The following NSMCE2 variants were observed in gnomAD, a reference collection of about 807,000 sequenced individuals.
NSMCE2 encodes the protein E3 SUMO-protein ligase NSE2.
A neutral mutation model predicts 23.8 loss-of-function variants in NSMCE2; 24 were observed. The observed-to-expected ratio is 1.01, with a 90% CI of 0.73 to 1.42. NSMCE2 has a LOEUF of 1.42. Among genes scored for constraint, NSMCE2 ranks in the 40% most tolerant of loss-of-function variants. The pLI, the probability that NSMCE2 is intolerant of heterozygous loss-of-function variation, is 0.00. For missense variants in NSMCE2, 284 were observed against 296.5 expected (o/e 0.96, Z 0.31); for synonymous variants, 92 against 94.1 (o/e 0.98, Z 0.13).
intron 5 of NSMCE2, among the ~76,000 whole-genome samples, chr8:125,200,597 G>T (rs1165585685): frequency 6.6e-6 from 1 of 152,176 alleles, no homozygotes; most frequent in Non-Finnish European, 1.5e-5. Context: ...CTCTCTGCCT[G>T]CCCTTAACAT....
intron 5 of NSMCE2, among the ~76,000 whole-genome samples, chr8:125,229,434 A>G (rs1825231473): frequency 6.6e-6 from 1 of 152,138 alleles, no homozygotes; most frequent in Admixed American, 6.5e-5. Context: ...TTTTCTTGTG[A>G]CCCATTTTAG....
intron 5 of NSMCE2, among the ~76,000 whole-genome samples, chr8:125,239,036 T>C (rs1440360139): frequency 1.3e-5 from 2 of 152,232 alleles, no homozygotes; most frequent in African/African-American, 4.8e-5. Flanking sequence ...CAATGACTTA[T>C]TCCCTTTGAC....
chr8:125,160,704 A>G (rs909760977), intron 4 of NSMCE2, among the ~76,000 whole-genome samples: 2 of 152,214 alleles, frequency 1.3e-5, no homozygotes, highest in Admixed American at 1.3e-4. Context: ...AGAACCAGAC[A>G]ACAAGTAAAC....
At chr8:125,269,597 A>G (rs746093950) in intron 5 of NSMCE2, among the ~76,000 whole-genome samples, 50 of 152,352 alleles carry the variant, frequency 3.3e-4, no homozygotes, top group Admixed American at 5.9e-4. Context: ...GAATGTGAAC[A>G]TTCAATGATC....
chr8:125,188,655 T>A (rs1489333320), intron 5 of NSMCE2, among the ~76,000 whole-genome samples: 1 of 152,140 alleles, frequency 6.6e-6, no homozygotes, highest in African/African-American at 2.4e-5. Flanking sequence ...AGTGCCTTAT[T>A]AGGCACTTTA....
chr8:125,338,105 G>A (rs1830122284), intron 5 of NSMCE2, among the ~76,000 whole-genome samples: 1 of 152,086 alleles, frequency 6.6e-6, no homozygotes, highest in African/African-American at 2.4e-5. Flanking sequence ...AGGCTGGAGA[G>A]GAAACAAGGT....
chr8:125,365,691 A>G (rs1813752201), intron 7 of NSMCE2, among the ~76,000 whole-genome samples: 1 of 151,978 alleles, frequency 6.6e-6, no homozygotes, highest in Admixed American at 6.6e-5. Flanking sequence ...CCCCATCTCT[A>G]CTAAAAATAC....
intron 5 of NSMCE2, among the ~76,000 whole-genome samples, chr8:125,262,431 A>G (rs1354697498): frequency 6.6e-6 from 1 of 152,160 alleles, no homozygotes; most frequent in Non-Finnish European, 1.5e-5. Context: ...CTCAAAAAAT[A>G]AATAAATAAA....
chr8:125,287,380 C>G (rs1413169199), intron 5 of NSMCE2, among the ~76,000 whole-genome samples: 4 of 152,146 alleles, frequency 2.6e-5, no homozygotes, highest in Non-Finnish European at 5.9e-5. Context: ...CTCCAGCTAT[C>G]TGGAGTTGCT....
chr8:125,201,643 G>A (rs1823880685), intron 5 of NSMCE2, among the ~76,000 whole-genome samples: 2 of 152,228 alleles, frequency 1.3e-5, no homozygotes, highest in South Asian at 4.1e-4. Flanking sequence ...AGGCTACACA[G>A]CGCTCAGGGA....
At chr8:125,134,077 T>G (rs1201650965) in intron 3 of NSMCE2, among the ~76,000 whole-genome samples, 1 of 152,170 alleles carries the variant, frequency 6.6e-6, no homozygotes, top group Non-Finnish European at 1.5e-5. Flanking sequence ...ATGACTAGAT[T>G]AGAGAAAGCA....
intron 4 of NSMCE2, among the ~76,000 whole-genome samples, chr8:125,171,739 A>G (rs1370563133): frequency 6.6e-6 from 1 of 152,188 alleles, no homozygotes; most frequent in African/African-American, 2.4e-5. Context: ...CAATGTGACC[A>G]TAAGAATACC....
chr8:125,258,736 G>A (rs542277350), intron 5 of NSMCE2, among the ~76,000 whole-genome samples: 101 of 152,244 alleles, frequency 6.6e-4, no homozygotes, highest in Non-Finnish European at 1.1e-3. Context: ...GGAGAGAGGT[G>A]GGGGGGTTAT....
chr8:125,107,137 C>A (rs1818501571), intron 3 of NSMCE2, among the ~76,000 whole-genome samples: 2 of 151,616 alleles, frequency 1.3e-5, no homozygotes, highest in South Asian at 4.2e-4. Flanking sequence ...CCTGAATAAC[C>A]ATAGTTTGTC....
chr8:125,325,088 A>G (rs1048612132), intron 5 of NSMCE2, among the ~76,000 whole-genome samples: 2 of 152,122 alleles, frequency 1.3e-5, no homozygotes, highest in African/African-American at 4.8e-5. Flanking sequence ...CTTTATATGC[A>G]TAGTTAATTA....
intron 3 of NSMCE2, among the ~76,000 whole-genome samples, chr8:125,115,895 A>G (rs1245950325): frequency 3.3e-5 from 5 of 152,208 alleles, no homozygotes; most frequent in Admixed American, 2.0e-4. Context: ...ATAAAGGTGT[A>G]TGTTGTGGAA....
intron 3 of NSMCE2, among the ~76,000 whole-genome samples, chr8:125,125,817 T>C (rs1364530796): frequency 6.6e-6 from 1 of 152,176 alleles, no homozygotes; most frequent in East Asian, 1.9e-4. Flanking sequence ...CATCAAACAG[T>C]GTGAGTATCA....
At chr8:125,198,235 G>C (rs893193183) in intron 5 of NSMCE2, among the ~76,000 whole-genome samples, 1 of 152,194 alleles carries the variant, frequency 6.6e-6, no homozygotes, top group Non-Finnish European at 1.5e-5. Context: ...TTGAATAGGA[G>C]TGGTGAGAGA....
chr8:125,360,082 G>A (rs992740447), intron 7 of NSMCE2, among the ~76,000 whole-genome samples: 1 of 152,166 alleles, frequency 6.6e-6, no homozygotes, highest in Non-Finnish European at 1.5e-5. Flanking sequence ...AAGAAGCAGC[G>A]AGGGGTGGCT....
Sources: allele counts gnomAD v4.1 joint callset (sites outside exome capture counted in the v4.1 genomes callset), GRCh38; gene constraint gnomAD v4.1.1; transcripts MANE v1.5; gene names NCBI Gene and HGNC (gene_info 2026-07-23, HGNC 2026-07-21).